The following CCDC15 variants were observed in gnomAD, a reference collection of about 807,000 sequenced individuals.
CCDC15 encodes the protein coiled-coil domain-containing protein 15.
In CCDC15, 105 loss-of-function variants were observed where a neutral mutation model predicts 114.5. The ratio of observed to expected loss-of-function variants is 0.92; its 90% CI spans 0.78 to 1.08. The LOEUF (loss-of-function observed/expected upper bound fraction) is 1.08, where lower values mean the gene tolerates loss of function less well. CCDC15 is among the 50% of genes least tolerant of loss of function. The pLI, the probability that CCDC15 is intolerant of heterozygous loss-of-function variation, is 0.00. For missense variants in CCDC15, 1,105 were observed against 1,093.6 expected, an observed-to-expected ratio of 1.01 and a Z score of -0.15; for synonymous variants, 334 against 377.8, an observed-to-expected ratio of 0.88 and a Z score of 1.34.
In CCDC15 at chr11:124,991,559, G is replaced by C; in HGVS notation, c.2007G>C (p.Gln669His). ...ADYQCLPPKS[Q>H]DQDDIKNQQP... ...ATCAGTGTTTGCCTCCCAAATCCCA[G>C]GACCAGGATGACATCAAAAATCAGG... The change falls in exon 9 of 16, where the codon CAG becomes CAC. Residue 669 changes from glutamine (Q) to histidine (H), a missense_variant. Transcript: ENST00000344762. The C allele has an allele frequency of 6.2e-7, 1 of 1,607,096 alleles. No homozygotes were observed. Among genetic ancestry groups the C allele is most frequent in the South Asian group, 1.1e-5 (1 of 89,716 alleles).
In CCDC15 at chr11:125,038,483, A is replaced by G; in HGVS notation, c.2464A>G (p.Arg822Gly). The G allele has an allele frequency of 6.3e-7, 1 of 1,582,874 alleles. No individual in the cohort carries two copies. The highest frequency in any genetic ancestry group is 2.3e-5 in the East Asian group (1 of 43,920). Reference protein sequence around the residue: ...ECYAAEQRILRMNFHEDPYSG... With the variant: ...ECYAAEQRILGMNFHEDPYSG... The stretch of plus-strand genomic sequence containing the variant: ...TTATGCTGCAGAGCAGAGGATCCTA[A>G]GAATGAACTTTCATGAAGATCCATA... Residue 822 changes from arginine (R) to glycine (G), a missense_variant, in exon 14 of 16, where the codon AGA becomes GGA. Transcript: ENST00000344762.
At chr11:125,014,365 C>G (rs1422547822) in intron 13 of CCDC15, among the ~76,000 whole-genome samples, 5 of 152,032 alleles carry the variant, frequency 3.3e-5, no homozygotes, top group Admixed American at 3.3e-4. Flanking sequence ...AGTATTCAAT[C>G]AAAAGTTTCT....
At chr11:125,030,782 A>G (rs1470380435) in intron 13 of CCDC15, among the ~76,000 whole-genome samples, 2 of 152,150 alleles carry the variant, frequency 1.3e-5, no homozygotes, top group South Asian at 2.1e-4. Flanking sequence ...CCCTGCCACC[A>G]TGGCTACTTT....
intron 13 of CCDC15, among the ~76,000 whole-genome samples, chr11:125,015,878 C>CT (rs1486823569): frequency 1.3e-5 from 2 of 152,162 alleles, no homozygotes; most frequent in Non-Finnish European, 2.9e-5. Flanking sequence ...GGCCCCTATA[C>CT]TTGCAGCTTC....
chr11:125,019,310 T>A (rs1948647929), intron 13 of CCDC15, among the ~76,000 whole-genome samples: 1 of 152,048 alleles, frequency 6.6e-6, no homozygotes. Context: ...GTAGTTAGCA[T>A]TCACTGAGTG....
intron 4 of CCDC15, among the ~76,000 whole-genome samples, chr11:124,966,090 TGTGGTGCTGA>T (rs1378790576): frequency 2.0e-5 from 3 of 152,200 alleles, no homozygotes; most frequent in Non-Finnish European, 4.4e-5. Flanking sequence ...ATAAGTGCGA[TGTGGTGCTGA>T]GAAGAATGTA....
At chr11:125,005,632 T>C (rs1948546376) in intron 13 of CCDC15, among the ~76,000 whole-genome samples, 1 of 152,144 alleles carries the variant, frequency 6.6e-6, no homozygotes, top group African/African-American at 2.4e-5. Flanking sequence ...TTTTGACAAA[T>C]ACATAATGTC....
At chr11:125,027,973 G>T (rs115599661) in intron 13 of CCDC15, among the ~76,000 whole-genome samples, 3 of 151,928 alleles carry the variant, frequency 2.0e-5, no homozygotes, top group Non-Finnish European at 4.4e-5. Context: ...TTATTCCAAC[G>T]CAATTTACTG....
chr11:125,025,213 A>G (rs1381558532), intron 13 of CCDC15, among the ~76,000 whole-genome samples: 1 of 148,550 alleles, frequency 6.7e-6, no homozygotes, highest in East Asian at 2.0e-4. Flanking sequence ...TATATATATG[A>G]AAGAAATGAA....
At chr11:124,996,799 A>T (rs1044976651) in intron 11 of CCDC15, among the ~76,000 whole-genome samples, 12 of 152,252 alleles carry the variant, frequency 7.9e-5, no homozygotes, top group African/African-American at 2.9e-4. Flanking sequence ...GAAATCATAC[A>T]GTATTTGCCC....
chr11:125,025,170 A>G (rs1164107367), intron 13 of CCDC15, among the ~76,000 whole-genome samples: 2 of 147,040 alleles, frequency 1.4e-5, no homozygotes, highest in South Asian at 2.1e-4. Flanking sequence ...GAGTATATAT[A>G]TGAATATATG....
rs76668395 is a variant in CCDC15, at chr11:124,996,420, C to T, written c.2214+3177C>T. ...TCAGAGGAAAAGTTTTCTCTTCAAG[C>T]CCCACCAGCTAATTCTCTCCTCTTC... On this transcript the variant is annotated intron_variant, in intron 11 of 15. Transcript: ENST00000344762. Among the ~76,000 whole-genome samples, 65 of 152,286 alleles carry T rather than the reference C, an allele frequency of 4.3e-4. 1 individual carries two copies. Among genetic ancestry groups the T allele is most frequent in the East Asian group, 3.9e-3 (20 of 5,188 alleles).
chr11:125,030,905 C>T (rs1009276679), intron 13 of CCDC15, among the ~76,000 whole-genome samples: 11 of 152,210 alleles, frequency 7.2e-5, no homozygotes. Flanking sequence ...GCTGAGTTCA[C>T]CTGTTGGTGA....
intron 13 of CCDC15, among the ~76,000 whole-genome samples, chr11:125,007,107 T>A (rs1948558330): frequency 6.6e-6 from 1 of 152,184 alleles, no homozygotes; most frequent in African/African-American, 2.4e-5. Flanking sequence ...ACATTTCAAA[T>A]CTTCTAGCTG....
chr11:124,993,219 A>G lies in CCDC15; in HGVS notation c.2190A>G (p.Arg730=). The change falls in exon 11 of 16, where the codon AGA becomes AGG. Residue 730 remains arginine, a synonymous_variant. Coordinates refer to ENST00000344762, the MANE Select transcript of CCDC15 (RefSeq NM_025004.3). ...CTTTTGAGAAATGGGAGATTGCAAG[A>G]GGAAATACTCCTGGAGTGCCCTTGG... ...PSSFEKWEIA[R]GNTPGVPLAY... The G allele has an allele frequency of 6.2e-7, 1 of 1,606,010 alleles. No homozygotes were observed. The highest frequency in any genetic ancestry group is 8.5e-7 in the Non-Finnish European group (1 of 1,174,450).
intron 6 of CCDC15, among the ~76,000 whole-genome samples, chr11:124,980,975 A>G (rs971668792): frequency 6.6e-6 from 1 of 152,008 alleles, no homozygotes; most frequent in Non-Finnish European, 1.5e-5. Flanking sequence ...TTTTCTCATT[A>G]GTTTCAAATA....
intron 13 of CCDC15, among the ~76,000 whole-genome samples, chr11:125,010,634 T>TA (rs1183820162): frequency 6.6e-6 from 1 of 152,188 alleles, no homozygotes; most frequent in Non-Finnish European, 1.5e-5. Context: ...TTGGGGGAAT[T>TA]ACAGGAGTGA....
At chr11:124,969,785 G>A (rs1317340636) in intron 4 of CCDC15, among the ~76,000 whole-genome samples, 3 of 152,122 alleles carry the variant, frequency 2.0e-5, no homozygotes, top group African/African-American at 7.2e-5. Context: ...AATACACATG[G>A]GTTAATAAGG....
In CCDC15 at chr11:124,991,446, T is replaced by C. The variant is rs1011589305; in HGVS notation, c.1909-15T>C. 3.4e-6 allele frequency: 5 copies of C among 1,476,004 alleles called. No homozygotes were observed. The African/African-American group carries it at 7.1e-5, about 21-fold the overall frequency. The allele number at this position is 1,476,004 out of a possible 1,614,324, so 91.4% of individuals were successfully genotyped here. On this transcript the variant is annotated splice_polypyrimidine_tract_variant and intron_variant, in intron 8 of 15. Transcript: ENST00000344762. Reference sequence around the variant, plus strand: ...TGCTAGACAATTTATAGTTTTTTATTATTTTATCTTTTAGAAAGTACACTT... The same window carrying C: ...TGCTAGACAATTTATAGTTTTTTATCATTTTATCTTTTAGAAAGTACACTT...
Sources: gnomAD v4.1 joint callset for allele counts (sites outside exome capture counted in the v4.1 genomes callset) on GRCh38, gnomAD v4.1.1 for gene constraint, MANE v1.5 for transcripts, NCBI Gene and HGNC (gene_info 2026-07-23, HGNC 2026-07-21) for gene names.